ENOX1: variants seen among roughly 807,000 people sequenced by gnomAD.
ENOX1 encodes ecto-NOX disulfide-thiol exchanger 1.
A neutral mutation model predicts 82.5 loss-of-function variants in ENOX1; 42 were observed. The observed-to-expected ratio is 0.51, with a 90% CI of 0.40 to 0.66. The LOEUF is 0.66. Among genes scored for constraint, ENOX1 ranks in the 30% least tolerant of loss-of-function variants. ENOX1 has a pLI of 0.00. For missense variants in ENOX1, 608 were observed against 811.6 expected (o/e 0.75, Z 3.05); for synonymous variants, 271 against 282.2 (o/e 0.96, Z 0.40).
At chr13:43,238,876 A>G (rs2042678404) in intron 14 of ENOX1, among the ~76,000 whole-genome samples, 2 of 152,152 alleles carry the variant, frequency 1.3e-5, no homozygotes, top group African/African-American at 2.4e-5. Context: ...TTGAAGATCC[A>G]GGTTCATTGA....
chr13:43,629,296 TTTTCTACA>T (rs1266094571), intron 2 of ENOX1, among the ~76,000 whole-genome samples: 28 of 152,294 alleles, frequency 1.8e-4, no homozygotes, highest in African/African-American at 6.0e-4. Context: ...CAATGTCCCT[TTTTCTACA>T]TTTCTGGCTA....
At chr13:43,665,512 A>C (rs1319747246) in intron 2 of ENOX1, among the ~76,000 whole-genome samples, 1 of 152,106 alleles carries the variant, frequency 6.6e-6, no homozygotes, top group Non-Finnish European at 1.5e-5. Context: ...GAGAATGTTA[A>C]ATTTAATAAG....
chr13:43,754,522 G>A (rs542942932), intron 1 of ENOX1, among the ~76,000 whole-genome samples: 122 of 151,018 alleles, frequency 8.1e-4, no homozygotes, highest in African/African-American at 2.8e-3. Context: ...TAGCAGAGAC[G>A]GGGTTTCACC....
chr13:43,415,076 C>T (rs955507941), intron 3 of ENOX1, among the ~76,000 whole-genome samples: 1 of 152,060 alleles, frequency 6.6e-6, no homozygotes, highest in African/African-American at 2.4e-5. Context: ...TAACAGACTG[C>T]AAGTGTTTCA....
chr13:43,400,985 G>A (rs1006638953), intron 5 of ENOX1, among the ~76,000 whole-genome samples: 1 of 152,110 alleles, frequency 6.6e-6, no homozygotes, highest in South Asian at 2.1e-4. Flanking sequence ...GTAACCTTGG[G>A]TGAGTTAACT....
intron 1 of ENOX1, among the ~76,000 whole-genome samples, chr13:43,740,033 A>G (rs60989732): frequency 0.093 from 14,178 of 152,192 alleles, 1,095 homozygotes; most frequent in African/African-American, 0.21. Flanking sequence ...GGGGGAGTCA[A>G]AAGTTATGTG....
intron 3 of ENOX1, among the ~76,000 whole-genome samples, chr13:43,415,739 C>G (rs919135308): frequency 6.6e-6 from 1 of 152,068 alleles, no homozygotes; most frequent in Non-Finnish European, 1.5e-5. Flanking sequence ...TCATCATGGC[C>G]CATTCTCGAT....
chr13:43,702,096 T>C (rs959877790), intron 1 of ENOX1, among the ~76,000 whole-genome samples: 1 of 152,240 alleles, frequency 6.6e-6, no homozygotes, highest in Non-Finnish European at 1.5e-5. Context: ...TTATACACTA[T>C]GAAATTTTTT....
chr13:43,697,773 T>C (rs926060038), intron 1 of ENOX1, among the ~76,000 whole-genome samples: 7 of 152,164 alleles, frequency 4.6e-5, no homozygotes, highest in African/African-American at 1.7e-4. Flanking sequence ...TGAATACGAG[T>C]AACCAGAAGT....
At chr13:43,241,322 C>T (rs970502382) in intron 14 of ENOX1, among the ~76,000 whole-genome samples, 2 of 152,126 alleles carry the variant, frequency 1.3e-5, no homozygotes, top group African/African-American at 4.8e-5. Flanking sequence ...GCAACATGCC[C>T]AGAAGAATGA....
At chr13:43,573,713 C>A (rs1050494431) in intron 2 of ENOX1, among the ~76,000 whole-genome samples, 1 of 152,114 alleles carries the variant, frequency 6.6e-6, no homozygotes, top group Non-Finnish European at 1.5e-5. Flanking sequence ...ATAAATATGG[C>A]TAACATTCCT....
chr13:43,434,809 C>T (rs747684835), intron 3 of ENOX1, among the ~76,000 whole-genome samples: 2 of 151,884 alleles, frequency 1.3e-5, no homozygotes, highest in Non-Finnish European at 2.9e-5. Flanking sequence ...AGTAAATAAA[C>T]GTTTTGATGG....
chr13:43,692,691 T>G (rs1341351508), intron 1 of ENOX1, among the ~76,000 whole-genome samples: 5 of 152,220 alleles, frequency 3.3e-5, no homozygotes, highest in African/African-American at 1.2e-4. Flanking sequence ...TAAATTTATG[T>G]AAAATTTTCA....
chr13:43,628,003 AT>A (rs1421703526), intron 2 of ENOX1, among the ~76,000 whole-genome samples: 6 of 151,338 alleles, frequency 4.0e-5, no homozygotes, highest in African/African-American at 7.3e-5. Flanking sequence ...TTCCTGTGTC[AT>A]TTTTTTTCTC....
intron 2 of ENOX1, among the ~76,000 whole-genome samples, chr13:43,648,287 T>G (rs909731177): frequency 6.6e-6 from 1 of 152,170 alleles, no homozygotes; most frequent in African/African-American, 2.4e-5. Context: ...ATTGAGCACC[T>G]ACCACAGCCC....
chr13:43,443,522 A>G (rs2056468411), intron 3 of ENOX1, among the ~76,000 whole-genome samples: 1 of 152,190 alleles, frequency 6.6e-6, no homozygotes, highest in African/African-American at 2.4e-5. Context: ...ATCATCTACT[A>G]TGCTCTGCCT....
chr13:43,412,875 G>A lies in ENOX1; in HGVS notation c.40C>T (p.Pro14Ser), dbSNP rs1394206883. ...AGGVENITQL[P>S]QELPQMMAAA... ...GCCATCATCTGAGGAAGCTCCTGGG[G>A]AAGCTGGGTGATGTTCTCAACTCCA... The change falls in exon 4 of 17, where the codon CCC (proline) becomes TCC (serine). Residue 14 changes from proline (P) to serine (S), a missense_variant. By Grantham distance (74) the Pro-to-Ser change is moderately conservative (BLOSUM62 -1). Coordinates refer to ENST00000690772, the MANE Select transcript of ENOX1 (RefSeq NM_001347969.2). 1 of 1,613,982 alleles carries A rather than the reference G, an allele frequency of 6.2e-7. No individual in the cohort carries two copies. The highest frequency in any genetic ancestry group is 8.5e-7 in the Non-Finnish European group (1 of 1,180,020).
rs2056984666 is a variant in ENOX1, at chr13:43,451,837, AACAG to A, written c.-75+32168_-75+32171del. ...GTACTTGGGGAAAAGCAGTAAATAA[AACAG>A]ACAAAATCCCTTATGTAGGTTATAT... On this transcript the variant is annotated intron_variant, in intron 3 of 16. Coordinates refer to ENST00000690772, the MANE Select transcript of ENOX1 (RefSeq NM_001347969.2). 1.8e-4 allele frequency among the ~76,000 whole-genome samples: 28 copies of A among 152,356 alleles called. 1 individual carries two copies. The South Asian group carries it at 5.8e-3, about 32-fold the overall frequency.
intron 3 of ENOX1, among the ~76,000 whole-genome samples, chr13:43,446,806 CCA>C (rs929557374): frequency 6.6e-6 from 1 of 152,214 alleles, no homozygotes; most frequent in Non-Finnish European, 1.5e-5. Context: ...TATTCCTATT[CCA>C]CAGTCTCCAT....
Sources: allele counts gnomAD v4.1 joint callset (sites outside exome capture counted in the v4.1 genomes callset), GRCh38; gene constraint gnomAD v4.1.1; transcripts MANE v1.5; gene names NCBI Gene and HGNC (gene_info 2026-07-23, HGNC 2026-07-21).